LRP1B: variants seen among roughly 807,000 people sequenced by gnomAD.
The protein encoded by LRP1B is LDL receptor related protein 1B.
In LRP1B, 217 loss-of-function variants were observed where a neutral mutation model predicts 556.6. The observed-to-expected ratio is 0.39, with a 90% CI of 0.35 to 0.44. LRP1B has a LOEUF of 0.44. LRP1B is among the 20% of genes least tolerant of loss of function. The pLI is 1.00. For missense variants in LRP1B, 5,053 were observed against 5,620.8 expected, an observed-to-expected ratio of 0.90 and a Z score of 3.23; for synonymous variants, 2,047 against 1,865.8, an observed-to-expected ratio of 1.10 and a Z score of -2.50.
chr2:141,635,450 T>C (rs957218595), intron 2 of LRP1B, among the ~76,000 whole-genome samples: 1 of 152,130 alleles, frequency 6.6e-6, no homozygotes, highest in Admixed American at 6.6e-5. Context: ...TTGCTTGAAT[T>C]GTGAATATAT....
intron 7 of LRP1B, among the ~76,000 whole-genome samples, chr2:141,165,827 TAAC>T (rs1680228965): frequency 6.6e-6 from 1 of 152,110 alleles, no homozygotes; most frequent in Admixed American, 6.6e-5. Flanking sequence ...ATGCTAGCTA[TAAC>T]AAGGTTGCAA....
chr2:141,378,553 C>A (rs1453627143), intron 3 of LRP1B, among the ~76,000 whole-genome samples: 1 of 152,080 alleles, frequency 6.6e-6, no homozygotes, highest in African/African-American at 2.4e-5. Context: ...GTTGTACCAG[C>A]TACTCAGGAA....
intron 3 of LRP1B, among the ~76,000 whole-genome samples, chr2:141,355,414 C>G (rs1283938218): frequency 1.3e-5 from 2 of 152,038 alleles, no homozygotes; most frequent in Non-Finnish European, 2.9e-5. Flanking sequence ...AATTTGAGAA[C>G]ATTTTCGACA....
Position 140,373,575 on chromosome 2 carries a change from A to G in LRP1B, c.10639-438T>C, listed in dbSNP as rs191506520. 5.9e-5 allele frequency among the ~76,000 whole-genome samples: 9 copies of G among 152,258 alleles called. No homozygotes were observed. The East Asian group carries it at 1.7e-3, about 29-fold the overall frequency. On this transcript the variant is annotated intron_variant, in intron 68 of 90. Transcript: ENST00000389484. The stretch of plus-strand genomic sequence containing the variant: ...CAGTAGATAGTTATAGGGTAATGGA[A>G]TTTTAATAATTTTAGGTAATAATGA...
intron 49 of LRP1B, among the ~76,000 whole-genome samples, chr2:140,522,457 G>A (rs1169463819): frequency 3.3e-5 from 5 of 151,668 alleles, no homozygotes; most frequent in African/African-American, 4.8e-5. Context: ...AGTACTAAAT[G>A]TCCACATCAA....
chr2:140,799,258 G>A (rs1377407961), intron 32 of LRP1B, among the ~76,000 whole-genome samples: 1 of 152,040 alleles, frequency 6.6e-6, no homozygotes, highest in Non-Finnish European at 1.5e-5. Flanking sequence ...CCTTTGGAAG[G>A]TAATTAGTTT....
At position 141,196,182 on chromosome 2, in the gene LRP1B, T is replaced by C. The variant is rs184643110; in HGVS notation, c.851-7599A>G. Among the ~76,000 whole-genome samples, 99 of 152,148 alleles carry C rather than the reference T, an allele frequency of 6.5e-4. No individual in the cohort carries two copies. In the South Asian group the frequency reaches 7.7e-3, roughly 12 times the overall value. On this transcript the variant is annotated intron_variant, in intron 6 of 90. Coordinates refer to ENST00000389484, the MANE Select transcript of LRP1B (RefSeq NM_018557.3). ...ATTTCTATCATACAGTAAATGTGCA[T>C]GATTTAAAAAGTCAAACACTCCATC...
At chr2:140,838,684 T>C (rs1160240291) in intron 31 of LRP1B, among the ~76,000 whole-genome samples, 1 of 151,998 alleles carries the variant, frequency 6.6e-6, no homozygotes, top group African/African-American at 2.4e-5. Context: ...TGAAACAAAA[T>C]AATGAATTTT....
At chr2:141,994,197 T>C (rs972050468) in intron 1 of LRP1B, among the ~76,000 whole-genome samples, 2 of 152,100 alleles carry the variant, frequency 1.3e-5, no homozygotes, top group Non-Finnish European at 2.9e-5. Flanking sequence ...TTCCAGAGAG[T>C]TGTAGTTGTT....
At chr2:140,590,725 A>T (rs1682189111) in intron 43 of LRP1B, among the ~76,000 whole-genome samples, 1 of 152,082 alleles carries the variant, frequency 6.6e-6, no homozygotes, top group Non-Finnish European at 1.5e-5. Flanking sequence ...CAGCCTCTAG[A>T]ACTGTGAGAA....
At position 140,358,113 on chromosome 2, in the gene LRP1B, T is replaced by G; in HGVS notation, c.11261A>C (p.Lys3754Thr). 6.2e-7 allele frequency: 1 copy of G among 1,610,476 alleles called. No individual in the cohort carries two copies. Among genetic ancestry groups the G allele is most frequent in the Non-Finnish European group, 8.5e-7 (1 of 1,177,726 alleles). ...ACAAGGCCTTGCTTTATATGTCAGC[T>G]TACCTATAGAGTCATACAAAAAATG... ...DNSDEDHCGG[K>T]LTYKARPCKK... The change falls in exon 74 of 91, where the codon AAG becomes ACG. Residue 3754 changes from lysine (K) to threonine (T), a missense_variant. Coordinates refer to ENST00000389484, the MANE Select transcript of LRP1B (RefSeq NM_018557.3).
At chr2:140,307,510 G>A (rs1236709097) in intron 83 of LRP1B, among the ~76,000 whole-genome samples, 3 of 151,512 alleles carry the variant, frequency 2.0e-5, no homozygotes, top group African/African-American at 7.3e-5. Context: ...GACATAAGAT[G>A]CTCCTAAGAA....
At chr2:141,103,522 T>TCTCTCTCTCTCTCTCTCTCTCTCTC (rs1700518873) in intron 7 of LRP1B, among the ~76,000 whole-genome samples, 1 of 149,140 alleles carries the variant, frequency 6.7e-6, no homozygotes, top group African/African-American at 2.5e-5. Context: ...AGCACACACA[T>TCTCTCTCTCTCTCTCTCTCTCTCTC]TCTCTCTCTC....
intron 1 of LRP1B, among the ~76,000 whole-genome samples, chr2:141,900,063 C>A (rs556351753): frequency 1.1e-3 from 167 of 152,172 alleles, no homozygotes; most frequent in Non-Finnish European, 2.0e-3. Flanking sequence ...AGTTTCCTGT[C>A]TCAAGTGCCA....
intron 77 of LRP1B, among the ~76,000 whole-genome samples, chr2:140,338,179 A>G (rs1199411528): frequency 6.6e-6 from 1 of 151,810 alleles, no homozygotes; most frequent in African/African-American, 2.4e-5. Flanking sequence ...CCCTAATGTC[A>G]TTCAAGTAAC....
At position 141,775,534 on chromosome 2, in the gene LRP1B, C is replaced by T. The variant is rs78870013; in HGVS notation, c.205+34745G>A. Among the ~76,000 whole-genome samples, 93 of 152,276 alleles carry T rather than the reference C, an allele frequency of 6.1e-4. 1 individual carries two copies. In the East Asian group the frequency reaches 0.012, roughly 20 times the overall value. On this transcript the variant is annotated intron_variant, in intron 2 of 90. Coordinates refer to ENST00000389484, the MANE Select transcript of LRP1B (RefSeq NM_018557.3). ...TATCTTTGTAAAGAAATATTTAACACTCCTTTTGCTAAATACCAGCTAACA... is the reference window on the plus strand; with the variant it reads ...TATCTTTGTAAAGAAATATTTAACATTCCTTTTGCTAAATACCAGCTAACA...
chr2:140,313,054 A>G (rs1684376992), intron 83 of LRP1B, among the ~76,000 whole-genome samples: 1 of 151,952 alleles, frequency 6.6e-6, no homozygotes, highest in South Asian at 2.1e-4. Context: ...TGTTTAACCA[A>G]TTAACATTTG....
intron 7 of LRP1B, among the ~76,000 whole-genome samples, chr2:141,099,636 C>A (rs1700411009): frequency 6.6e-6 from 1 of 152,202 alleles, no homozygotes; most frequent in South Asian, 2.1e-4. Flanking sequence ...CACATTCACA[C>A]AACTCTTCTT....
intron 2 of LRP1B, among the ~76,000 whole-genome samples, chr2:141,760,361 T>C (rs1443030725): frequency 2.0e-5 from 3 of 152,160 alleles, no homozygotes; most frequent in Non-Finnish European, 2.9e-5. Context: ...ATCTTATGTT[T>C]GTGTGAAAAT....
Sources: allele counts gnomAD v4.1 joint callset (sites outside exome capture counted in the v4.1 genomes callset), GRCh38; gene constraint gnomAD v4.1.1; transcripts MANE v1.5; gene names NCBI Gene and HGNC (gene_info 2026-07-23, HGNC 2026-07-21).